Variants in ZBTB9 observed in about 807,000 individuals in gnomAD.
ZBTB9 encodes the protein zinc finger and BTB domain-containing protein 9.
In ZBTB9, 17 loss-of-function variants were observed where a neutral mutation model predicts 26.3. The ratio of observed to expected loss-of-function variants is 0.65; its 90% CI spans 0.44 to 0.97. The LOEUF is 0.97. ZBTB9 is among the 50% of genes least tolerant of loss of function. The probability of loss-of-function intolerance (pLI) is 0.00; values close to 1 mark genes in which losing one functional copy is unlikely to be tolerated. For missense variants in ZBTB9, 510 were observed against 594.2 expected (o/e 0.86, Z 1.47); for synonymous variants, 226 against 234.3 (o/e 0.96, Z 0.32).
In ZBTB9 at chr6:33,454,677, G is replaced by T; in HGVS notation, c.-170G>T. 1 of 223,290 alleles carries T rather than the reference G, an allele frequency of 4.5e-6. No homozygotes were observed. Among genetic ancestry groups the T allele is most frequent in the Non-Finnish European group, 8.8e-6 (1 of 113,830 alleles). The allele number at this position is 223,290 out of a possible 1,614,324, so 13.8% of individuals were successfully genotyped here. Reference sequence around the variant, plus strand: ...GTCGGCGGGAAGGACAATCGGGCCGGGACTCGCGGTGTCCGGGTGACCGCG... The same window carrying T: ...GTCGGCGGGAAGGACAATCGGGCCGTGACTCGCGGTGTCCGGGTGACCGCG... On this transcript the variant is annotated 5_prime_UTR_variant, in exon 1 of 2. Coordinates refer to ENST00000395064, the MANE Select transcript of ZBTB9 (RefSeq NM_152735.4).
intron 1 of ZBTB9, 67 bp downstream of exon 1, chr6:33,454,842 C>T (rs1253891683): frequency 1.9e-6 from 1 of 526,720 alleles, no homozygotes; most frequent in East Asian, 3.1e-5. Context: ...GTTAAAACCC[C>T]TGTTGGTGTT....
rs1412540126 is a variant in ZBTB9 at position 33,455,401 on chromosome 6, C to T, written c.301C>T (p.Gln101Ter). Residue 101 changes from glutamine to a stop codon, truncating the protein, a stop_gained, in exon 2 of 2, where the codon CAG (glutamine) becomes TAG (stop). Transcript: ENST00000395064. LOFTEE classifies it high-confidence loss of function. ...AGCCGATGCCTTCGAGGGGCTGCTC[C>T]AGCTCATTTATTCAGGGCGTCTCCG... ...IEADAFEGLLQLIYSGRLRLP... is the reference protein window; with the variant it reads ...IEADAFEGLL 6.2e-7 allele frequency: 1 copy of T among 1,613,910 alleles called. No homozygotes were observed. Among genetic ancestry groups the T allele is most frequent in the Non-Finnish European group, 8.5e-7 (1 of 1,179,950 alleles).
upstream of ZBTB9, chr6:33,454,572 C>T (rs376091495): frequency 5.0e-5 from 8 of 160,074 alleles, no homozygotes; most frequent in Non-Finnish European, 4.1e-5. Context: ...GGCGGGGAGG[C>T]GGCGGCTTCC....
In ZBTB9 at chr6:33,456,017, C is replaced by T. The variant is rs775108982; in HGVS notation, c.917C>T (p.Ala306Val). The T allele has an allele frequency of 1.9e-6, 3 of 1,614,004 alleles. No individual in the cohort carries two copies. The change falls in exon 2 of 2, where the codon GCA becomes GTA. Residue 306 changes from alanine (A) to valine (V), a missense_variant. This residue lies in a region of ZBTB9 where 439 missense variants were observed against 460.4 expected (regional missense o/e 0.95). Coordinates refer to ENST00000395064, the MANE Select transcript of ZBTB9 (RefSeq NM_152735.4). This position sits in a 1 kb window ranked among gnomAD's most constrained non-coding sequence, Gnocchi z 5.1. The stretch of plus-strand genomic sequence containing the variant: ...GGAAGCGGAACTCAGCCTGGAGGAG[C>T]AAAGGAGGAAACCAAAGTGTTTTCT... ...ISGSGTQPGG[A>V]KEETKVFSGG... is the part of the protein sequence containing the mutation.
chr6:33,453,611 C>G (rs1035991454), upstream of ZBTB9: 2 of 152,056 alleles, frequency 1.3e-5, no homozygotes, highest in Non-Finnish European at 2.9e-5. Context: ...TTCTCCACTC[C>G]CAGCCCCATT....
upstream of ZBTB9, chr6:33,454,022 A>C (rs568549839): frequency 2.6e-5 from 4 of 152,330 alleles, no homozygotes; most frequent in African/African-American, 7.2e-5. Flanking sequence ...GGTTTCTTTA[A>C]TTGCTGGTTA....
rs2151219318 is a variant in ZBTB9, at chr6:33,455,133, C to T, written c.33C>T (p.Pro11=). 1.2e-6 allele frequency: 2 copies of T among 1,611,482 alleles called. No individual in the cohort carries two copies. Among genetic ancestry groups the T allele is most frequent in the Non-Finnish European group, 1.7e-6 (2 of 1,178,362 alleles). ...CCCCAACACCTTTGCCGCCTGTACC[C>T]GCCTCCCCGACCTGCAACCCAGCCC... METPTPLPPV[P]ASPTCNPAPR... Residue 11 remains proline (P), a synonymous_variant, in exon 2 of 2, where the codon CCC becomes CCT. Transcript: ENST00000395064.
Position 33,456,219 on chromosome 6 carries a change from A to G in ZBTB9, c.1119A>G (p.Leu373=). Residue 373 remains leucine (L), a synonymous_variant, in exon 2 of 2, where the codon CTA becomes CTG. Transcript: ENST00000395064. The surrounding 1 kb of genome is among the most constrained non-coding windows in gnomAD (Gnocchi z 5.1). ...AGQAVHGPVK[L]GGTPPADGKR... ...AGGCCGTGCATGGGCCTGTGAAGCTAGGGGGGACACCCCCTGCAGATGGAA... is the reference window on the plus strand; with the variant it reads ...AGGCCGTGCATGGGCCTGTGAAGCTGGGGGGGACACCCCCTGCAGATGGAA... 6.2e-7 allele frequency: 1 copy of G among 1,611,792 alleles called. No homozygotes were observed. Among genetic ancestry groups the G allele is most frequent in the Non-Finnish European group, 8.5e-7 (1 of 1,179,144 alleles).
chr6:33,455,454 TCTC>T lies in ZBTB9; in HGVS notation c.357_359del (p.Leu120del). On this transcript the variant is annotated inframe_deletion, in exon 2 of 2. Transcript: ENST00000395064. ...TGCCACTGGATGCTCTTCCTGCTCA[TCTC>T]CTTGTGGCCAGTGGCCTTCAAATGT... is the stretch of plus-strand genomic sequence containing the variant. 6.2e-7 allele frequency: 1 copy of T among 1,614,138 alleles called. No homozygotes were observed. Among genetic ancestry groups the T allele is most frequent in the Non-Finnish European group, 8.5e-7 (1 of 1,179,982 alleles).
In ZBTB9 at chr6:33,456,470, G is replaced by T. The variant is rs780551076; in HGVS notation, c.1370G>T (p.Arg457Leu). ...FRVHACFLRHRDLCKGQGWAT... is the reference protein window; with the variant it reads ...FRVHACFLRHLDLCKGQGWAT... Reference sequence around the variant, plus strand: ...GTCCATGCCTGTTTTCTCCGCCACCGGGACCTATGCAAGGGCCAGGGCTGG... The same window carrying T: ...GTCCATGCCTGTTTTCTCCGCCACCTGGACCTATGCAAGGGCCAGGGCTGG... The change falls in exon 2 of 2, where the codon CGG becomes CTG. Residue 457 changes from arginine (R) to leucine (L), a missense_variant. By Grantham distance (102) the Arg-to-Leu change is moderately radical. Transcript: ENST00000395064. The surrounding 1 kb of genome is among the most constrained non-coding windows in gnomAD (Gnocchi z 5.1). The T allele has an allele frequency of 1.2e-6, 2 of 1,613,672 alleles. No individual in the cohort carries two copies. The highest frequency in any genetic ancestry group is 1.7e-6 in the Non-Finnish European group (2 of 1,179,888).
At position 33,455,649 on chromosome 6, in the gene ZBTB9, T is replaced by C; in HGVS notation, c.549T>C (p.Ser183=). ...SSPFQTPVQS[S]ASTESPASTE... ...CTTTCCAGACCCCAGTACAGTCCTC[T>C]GCTTCTACTGAAAGCCCTGCTTCCA... Residue 183 remains serine (S), a synonymous_variant, in exon 2 of 2, where the codon TCT becomes TCC. Transcript: ENST00000395064. 1.2e-6 allele frequency: 2 copies of C among 1,614,228 alleles called. No individual in the cohort carries two copies.
At chr6:33,454,920 C>T in intron 1 of ZBTB9, 110 bp from the exon 2 acceptor site, 1 of 921,354 alleles carries the variant, frequency 1.1e-6, no homozygotes, top group Non-Finnish European at 1.6e-6. Context: ...TTGCAGAAAC[C>T]GCCACTGACT....
Position 33,455,225 on chromosome 6 carries a change from G to C in ZBTB9, c.125G>C (p.Arg42Thr). The change falls in exon 2 of 2, where the codon AGG (arginine) becomes ACG (threonine). Residue 42 changes from arginine (R) to threonine (T), a missense_variant. By Grantham distance (71) the Arg-to-Thr change is moderately conservative. This residue lies in a region of ZBTB9 where 439 missense variants were observed against 460.4 expected (regional missense o/e 0.95). Coordinates refer to ENST00000395064, the MANE Select transcript of ZBTB9 (RefSeq NM_152735.4). ...SSLLESLNRH[R>T]LEGKFCDVSL... ...CTGCTGGAATCTCTGAACCGCCACA[G>C]GCTAGAGGGAAAGTTCTGTGATGTG... The C allele has an allele frequency of 6.2e-7, 1 of 1,614,184 alleles. No individual in the cohort carries two copies. Among genetic ancestry groups the C allele is most frequent in the African/African-American group, 1.3e-5 (1 of 75,018 alleles).
chr6:33,453,240 C>A (rs1009629184), upstream of ZBTB9: 1 of 152,778 alleles, frequency 6.5e-6, no homozygotes, highest in Non-Finnish European at 1.5e-5. Context: ...CCTACACATA[C>A]ACCCAGCCGG....
intron 1 of ZBTB9, 38 bp from the exon 2 acceptor site, chr6:33,454,992 T>C: frequency 2.0e-6 from 3 of 1,484,998 alleles, no homozygotes; most frequent in Non-Finnish European, 2.7e-6. Context: ...GCTCCCTTTA[T>C]CCAGGGCTTC....
Position 33,456,029 on chromosome 6 carries a change from C to A in ZBTB9, c.929C>A (p.Thr310Asn). The change falls in exon 2 of 2, where the codon ACC (threonine) becomes AAC (asparagine). Residue 310 changes from threonine (T) to asparagine (N), a missense_variant. Thr to Asn is a moderately conservative substitution (Grantham distance 65). Coordinates refer to ENST00000395064, the MANE Select transcript of ZBTB9 (RefSeq NM_152735.4). The surrounding 1 kb of genome is among the most constrained non-coding windows in gnomAD (Gnocchi z 5.1). ...CAGCCTGGAGGAGCAAAGGAGGAAA[C>A]CAAAGTGTTTTCTGGAGGGGACACT... is the stretch of plus-strand genomic sequence containing the variant. Reference protein sequence around the residue: ...GTQPGGAKEETKVFSGGDTEG... With the variant: ...GTQPGGAKEENKVFSGGDTEG... 1 of 1,614,048 alleles carries A rather than the reference C, an allele frequency of 6.2e-7. No individual in the cohort carries two copies. The highest frequency in any genetic ancestry group is 8.5e-7 in the Non-Finnish European group (1 of 1,180,022).
chr6:33,455,934 GC>G lies in ZBTB9; in HGVS notation c.840del (p.Ile282SerfsTer43). 1 of 1,612,056 alleles carries G rather than the reference GC, an allele frequency of 6.2e-7. No individual in the cohort carries two copies. The highest frequency in any genetic ancestry group is 8.5e-7 in the Non-Finnish European group (1 of 1,178,956). On this transcript the variant is annotated frameshift_variant, in exon 2 of 2. Coordinates refer to ENST00000395064, the MANE Select transcript of ZBTB9 (RefSeq NM_152735.4). LOFTEE classifies it high-confidence loss of function. ...PLELPAPPAL[P>X]PKIFYIKQEP... ...TTGAGCTTCCTGCCCCTCCTGCACT[GC>G]CCCCCAAAATCTTCTACATTAAGCA...
At chr6:33,453,740 A>G (rs1761406478), upstream of ZBTB9, 1 of 152,132 alleles carries the variant, frequency 6.6e-6, no homozygotes, top group African/African-American at 2.4e-5. Context: ...TACGGTGGTA[A>G]GATCTGCTTT....
chr6:33,454,204 T>G (rs1291482081), upstream of ZBTB9: 1 of 152,084 alleles, frequency 6.6e-6, no homozygotes, highest in Non-Finnish European at 1.5e-5. Flanking sequence ...AGACACAAAG[T>G]GATGTGGGCA....
Sources: gnomAD v4.1 joint callset for allele counts on GRCh38, gnomAD v4.1.1 for gene constraint, gnomAD v4.1.1 regional missense constraint, Gnocchi (gnomAD v3.1) non-coding constraint, MANE v1.5 for transcripts, NCBI Gene and HGNC (gene_info 2026-07-23, HGNC 2026-07-21) for gene names.